Variants in FOXN3 observed in about 807,000 individuals in gnomAD.
FOXN3 encodes forkhead box N3.
FOXN3 carries 7 observed loss-of-function variants against 38.4 expected under a neutral mutation model. The ratio of observed to expected loss-of-function variants is 0.18; its 90% confidence interval spans 0.10 to 0.34. The LOEUF (loss-of-function observed/expected upper bound fraction) is 0.34, where lower values mean the gene tolerates loss of function less well. FOXN3 is among the 10% of genes least tolerant of loss of function. FOXN3 has a pLI of 1.00. For missense variants in FOXN3, 456 were observed against 613.4 expected (o/e 0.74, Z 2.71); for synonymous variants, 230 against 242.2 (o/e 0.95, Z 0.47).
chr14:89,195,744 G>A (rs1213186931), intron 4 of FOXN3, among the ~76,000 whole-genome samples: 1 of 152,156 alleles, frequency 6.6e-6, no homozygotes, highest in Non-Finnish European at 1.5e-5. Flanking sequence ...AGTGCTTCAC[G>A]TTATATCTCA....
chr14:89,181,845 A>G (rs941205293), intron 4 of FOXN3, among the ~76,000 whole-genome samples: 1 of 152,190 alleles, frequency 6.6e-6, no homozygotes, highest in African/African-American at 2.4e-5. Flanking sequence ...TCTGAGGGGC[A>G]GGGGAGCATC....
At chr14:89,259,142 T>G (rs527449329) in intron 4 of FOXN3, among the ~76,000 whole-genome samples, 92 of 152,382 alleles carry the variant, frequency 6.0e-4, no homozygotes, top group African/African-American at 1.9e-3. Context: ...GAACTATCAC[T>G]GAATAATTGA....
At chr14:89,177,422 G>T (rs1047267961) in intron 5 of FOXN3, among the ~76,000 whole-genome samples, 137 of 152,312 alleles carry the variant, frequency 9.0e-4, no homozygotes, top group African/African-American at 3.0e-3. Flanking sequence ...GCTCAGGAAA[G>T]TCACTCCTTA....
chr14:89,182,834 A>G (rs1887708187), intron 4 of FOXN3, among the ~76,000 whole-genome samples: 1 of 152,246 alleles, frequency 6.6e-6, no homozygotes, highest in Non-Finnish European at 1.5e-5. Flanking sequence ...GCATGTGGTC[A>G]ACGGATTTTT....
At chr14:89,399,098 G>A (rs911884495) in intron 2 of FOXN3, among the ~76,000 whole-genome samples, 5 of 152,228 alleles carry the variant, frequency 3.3e-5, no homozygotes, top group African/African-American at 1.2e-4. Flanking sequence ...CCAGATGAAG[G>A]GATTTTCCGA....
intron 2 of FOXN3, among the ~76,000 whole-genome samples, chr14:89,405,005 G>T (rs371313626): frequency 4.6e-5 from 7 of 152,164 alleles, no homozygotes; most frequent in East Asian, 1.9e-4. Flanking sequence ...AATGAGACAG[G>T]TAGGTTGACT....
At chr14:89,601,759 G>GT (rs200708198) in intron 1 of FOXN3, among the ~76,000 whole-genome samples, 2,186 of 150,566 alleles carry the variant, frequency 0.015, 48 homozygotes, top group African/African-American at 0.05. Context: ...TTTTGTTTTT[G>GT]TTTTTTTTTC....
intron 4 of FOXN3, among the ~76,000 whole-genome samples, chr14:89,257,264 G>A (rs1369343711): frequency 6.6e-6 from 1 of 152,178 alleles, no homozygotes; most frequent in Non-Finnish European, 1.5e-5. Flanking sequence ...TTTTCAAGGT[G>A]TTACAATAAG....
chr14:89,300,436 C>G (rs551905002), intron 3 of FOXN3, among the ~76,000 whole-genome samples: 1 of 152,290 alleles, frequency 6.6e-6, no homozygotes, highest in East Asian at 1.9e-4. Flanking sequence ...CCTGCCTCGG[C>G]CTCCCAGAGT....
chr14:89,581,611 G>A (rs1895741407), intron 1 of FOXN3, among the ~76,000 whole-genome samples: 3 of 152,126 alleles, frequency 2.0e-5, no homozygotes, highest in Admixed American at 1.3e-4. Flanking sequence ...AAACCAAGTG[G>A]GACCACAGGA....
chr14:89,166,812 A>G (rs1046765945), intron 5 of FOXN3, among the ~76,000 whole-genome samples: 15 of 152,238 alleles, frequency 9.9e-5, no homozygotes, highest in Non-Finnish European at 1.5e-4. Context: ...TCAATTATTA[A>G]TAACTTGGTG....
At chr14:89,501,540 A>C (rs954838735) in intron 1 of FOXN3, among the ~76,000 whole-genome samples, 2 of 152,182 alleles carry the variant, frequency 1.3e-5, no homozygotes, top group African/African-American at 4.8e-5. Context: ...AAGGATATGA[A>C]GGGCTTGCTC....
intron 1 of FOXN3, among the ~76,000 whole-genome samples, chr14:89,513,069 G>A (rs1446455813): frequency 6.7e-6 from 1 of 148,292 alleles, no homozygotes. Context: ...GAACTCGGGG[G>A]TCAGAGGTTG....
intron 3 of FOXN3, among the ~76,000 whole-genome samples, chr14:89,304,480 A>T (rs1432541467): frequency 6.6e-6 from 1 of 152,192 alleles, no homozygotes; most frequent in Non-Finnish European, 1.5e-5. Flanking sequence ...CATATAGAAA[A>T]GAGAACTTAG....
intron 2 of FOXN3, chr14:89,401,571 T>C (rs1891246266): frequency 1.1e-5 from 5 of 455,896 alleles, no homozygotes; most frequent in Non-Finnish European, 2.2e-5. Flanking sequence ...ATGCCTTACC[T>C]CTGTGCCAGG....
At chr14:89,501,354 A>C (rs955359958) in intron 1 of FOXN3, among the ~76,000 whole-genome samples, 14 of 152,334 alleles carry the variant, frequency 9.2e-5, no homozygotes, top group African/African-American at 3.4e-4. Context: ...CTCACACAGC[A>C]GCTCACGATG....
At chr14:89,344,004 C>T (rs1888695603) in intron 3 of FOXN3, among the ~76,000 whole-genome samples, 1 of 152,116 alleles carries the variant, frequency 6.6e-6, no homozygotes, top group South Asian at 2.1e-4. Context: ...TCAAGTGATC[C>T]ACCCACCTTG....
chr14:89,294,239 C>G (rs1034928061), intron 3 of FOXN3, among the ~76,000 whole-genome samples: 10 of 152,190 alleles, frequency 6.6e-5, no homozygotes, highest in African/African-American at 2.4e-4. Flanking sequence ...GACACCTCAG[C>G]AGCATTCTCA....
intron 1 of FOXN3, among the ~76,000 whole-genome samples, chr14:89,434,678 A>T (rs1399361720): frequency 6.6e-6 from 1 of 152,172 alleles, no homozygotes; most frequent in Non-Finnish European, 1.5e-5. Flanking sequence ...AACTCACAGA[A>T]TAATCTCCTT....
Sources: allele counts gnomAD v4.1 joint callset (sites outside exome capture counted in the v4.1 genomes callset), GRCh38; gene constraint gnomAD v4.1.1; transcripts MANE v1.5; gene names NCBI Gene and HGNC (gene_info 2026-07-23, HGNC 2026-07-21).